Variants in CDH15 observed in about 807,000 individuals in gnomAD.
CDH15 encodes the protein cadherin 15, also known as cadherin-15.
Under a neutral mutation model 69.4 loss-of-function variants are expected in CDH15, and 73 were observed. The ratio of observed to expected loss-of-function variants is 1.05; its 90% CI spans 0.87 to 1.28. The LOEUF (loss-of-function observed/expected upper bound fraction) is 1.28, where lower values mean the gene tolerates loss of function less well. Among genes scored for constraint, CDH15 ranks in the 50% most tolerant of loss-of-function variants. The probability of loss-of-function intolerance (pLI) is 0.00; values close to 1 mark genes in which losing one functional copy is unlikely to be tolerated. For missense variants in CDH15, 1,343 were observed against 1,133.6 expected (o/e 1.18, Z -2.65); for synonymous variants, 624 against 507.7 (o/e 1.23, Z -3.08).
chr16:89,176,827 C>G (rs968501368), intron 1 of CDH15, among the ~76,000 whole-genome samples: 1 of 149,758 alleles, frequency 6.7e-6, no homozygotes, highest in Non-Finnish European at 1.5e-5. Flanking sequence ...ATGTTTGGGG[C>G]CTGCTCTGCT....
At position 89,187,997 on chromosome 16, in the gene CDH15, A is replaced by AGGAG. The variant is rs1421323234; in HGVS notation, c.793-96_793-93dup. On this transcript the variant is annotated intron_variant, in intron 6 of 13. Transcript: ENST00000289746. The stretch of plus-strand genomic sequence containing the variant: ...AGGGAGGGTGTTCCTGCTGGGAGGC[A>AGGAG]GGAGGGAGGGTGGGAGGGGAGGGTG... The AGGAG allele has an allele frequency of 3.6e-6, 3 of 832,744 alleles. No individual in the cohort carries two copies. In the East Asian group the frequency reaches 1.0e-4, roughly 28 times the overall value. 51.6% of individuals were successfully genotyped at this position (832,744 alleles called of 1,614,324 possible). A position where few individuals can be genotyped will look rare whatever the true frequency, so the allele number is the denominator to read the frequency against.
At chr16:89,187,948 T>G in intron 6 of CDH15, 152 bp from the exon 7 acceptor site, 1 of 659,710 alleles carries the variant, frequency 1.5e-6, no homozygotes, top group Admixed American at 3.1e-5. Context: ...ACCCAGTGGG[T>G]GGGGAGCAGC....
At chr16:89,181,392 G>T (rs887215198) in intron 3 of CDH15, among the ~76,000 whole-genome samples, 6 of 152,230 alleles carry the variant, frequency 3.9e-5, no homozygotes, top group African/African-American at 1.2e-4. Flanking sequence ...CAGGAGGATC[G>T]CTTGAAGCCA....
intron 6 of CDH15, 70 bp downstream of exon 6, chr16:89,187,627 G>A: frequency 6.3e-7 from 1 of 1,593,998 alleles, no homozygotes; most frequent in Non-Finnish European, 8.6e-7. Flanking sequence ...GGCTCCTGCA[G>A]AAGGCAGCGG....
In CDH15 at chr16:89,190,344, C is replaced by G. The variant is rs1223955018; in HGVS notation, c.1080C>G (p.Ala360=). The change falls in exon 8 of 14, where the codon GCC becomes GCG. Residue 360 remains alanine, a synonymous_variant. Transcript: ENST00000289746. ...CCCTTAGGGCTGAGCGGGGCCAGGC[C>G]AAGGTCCGCGTGCATGTGCAGGACA... The part of the protein sequence containing the change: ...AAALRAERGQ[A]KVRVHVQDTN... The G allele has an allele frequency of 6.2e-7, 1 of 1,612,584 alleles. No homozygotes were observed. Among genetic ancestry groups the G allele is most frequent in the South Asian group, 1.1e-5 (1 of 91,004 alleles).
chr16:89,188,896 G>A (rs1915565846), intron 7 of CDH15, among the ~76,000 whole-genome samples: 1 of 136,992 alleles, frequency 7.3e-6, no homozygotes, highest in Admixed American at 7.4e-5. Flanking sequence ...ACACACAGAT[G>A]CCCACACACA....
At position 89,192,202 on chromosome 16, in the gene CDH15, C is replaced by T. The variant is rs1476487224; in HGVS notation, c.1616-3C>T. ...CCTCGCTCACCACAGGCGCCCTCCG[C>T]AGTGAGCCACGCGCGCCTGCGGCCG... is the stretch of plus-strand genomic sequence containing the variant. On this transcript the variant is annotated splice_polypyrimidine_tract_variant and splice_region_variant and intron_variant, in intron 10 of 13. Coordinates refer to ENST00000289746, the MANE Select transcript of CDH15 (RefSeq NM_004933.3). The T allele has an allele frequency of 6.5e-7, 1 of 1,528,992 alleles. No homozygotes were observed. Among genetic ancestry groups the T allele is most frequent in the East Asian group, 2.5e-5 (1 of 40,536 alleles). The allele number at this position is 1,528,992 out of a possible 1,614,324, so 94.7% of individuals were successfully genotyped here. A position where few individuals can be genotyped will look rare whatever the true frequency, so the allele number is the denominator to read the frequency against.
At chr16:89,188,592 CCACA>C (rs1192222605) in intron 7 of CDH15, among the ~76,000 whole-genome samples, 1 of 121,478 alleles carries the variant, frequency 8.2e-6, no homozygotes, top group African/African-American at 3.3e-5. Context: ...ACACAGATGC[CCACA>C]CACAGATGCC....
chr16:89,192,245 A>C lies in CDH15; in HGVS notation c.1656A>C (p.Glu552Asp), dbSNP rs1567776898. The C allele has an allele frequency of 2.1e-5, 32 of 1,529,468 alleles. No individual in the cohort carries two copies. The highest frequency in any genetic ancestry group is 2.7e-5 in the Non-Finnish European group (31 of 1,144,748). 94.7% of individuals were successfully genotyped at this position (1,529,468 alleles called of 1,614,324 possible). A position where few individuals can be genotyped will look rare whatever the true frequency, so the allele number is the denominator to read the frequency against. ...ARLRPRHQVP[E>D]GLHRLSLLLR... ...TGCGGCCGCGACACCAGGTCCCCGA[A>C]GGCCTGCACCGCCTCAGCCTGCTGC... Residue 552 changes from glutamate (E) to aspartate (D), a missense_variant, in exon 11 of 14, where the codon GAA becomes GAC. Coordinates refer to ENST00000289746, the MANE Select transcript of CDH15 (RefSeq NM_004933.3).
rs139402478 is a variant in CDH15, at chr16:89,186,929, C to T, written c.664-500C>T. On this transcript the variant is annotated intron_variant, in intron 5 of 13. Coordinates refer to ENST00000289746, the MANE Select transcript of CDH15 (RefSeq NM_004933.3). ...CAGTAGGTGCTCTGTAAACGCTTAC[C>T]CAGCACACAGTAGGTGCTCTGTAAA... Among the ~76,000 whole-genome samples the T allele has an allele frequency of 8.6e-3, 1,244 of 144,854 alleles. 38 individuals carry two copies. Among genetic ancestry groups the T allele is most frequent in the Admixed American group, 0.057 (815 of 14,350 alleles).
At position 89,180,230 on chromosome 16, in the gene CDH15, G is replaced by A. The variant is rs374625398; in HGVS notation, c.232G>A (p.Val78Ile). The change falls in exon 3 of 14, where the codon GTC becomes ATC. Residue 78 changes from valine (V) to isoleucine (I), a missense_variant. Transcript: ENST00000289746. ...IKSDKQQLGS[V>I]IYSIQGPGVD... is the part of the protein sequence containing the mutation. ...GTCGGACAAGCAGCAGCTGGGCAGC[G>A]TCATCTACAGCATCCAGGGACCCGG... 4.8e-5 allele frequency: 78 copies of A among 1,610,518 alleles called. No homozygotes were observed. The highest frequency in any genetic ancestry group is 3.1e-4 in the South Asian group (28 of 90,524).
At chr16:89,191,938 C>T (rs1466503997) in intron 10 of CDH15, 44 bp downstream of exon 10, 8 of 1,498,044 alleles carry the variant, frequency 5.3e-6, no homozygotes, top group Non-Finnish European at 7.2e-6. Flanking sequence ...CCCACGCTCC[C>T]CCCACCCCCA....
chr16:89,190,473 C>G lies in CDH15; in HGVS notation c.1209C>G (p.Asp403Glu), dbSNP rs753411669. The change falls in exon 8 of 14, where the codon GAC (aspartate) becomes GAG (glutamate). Residue 403 changes from aspartate to glutamate, a missense_variant. Physicochemically the swap from Asp to Glu is conservative, Grantham distance 45. Coordinates refer to ENST00000289746, the MANE Select transcript of CDH15 (RefSeq NM_004933.3). ...LVATFSARDP[D>E]TEQLQRLSYS... ...CCACCTTCTCTGCCCGGGACCCTGA[C>G]ACAGAGCAGCTGCAGAGGCTCAGGT... The G allele has an allele frequency of 6.3e-7, 1 of 1,598,226 alleles. No individual in the cohort carries two copies. The highest frequency in any genetic ancestry group is 1.1e-5 in the South Asian group (1 of 88,494).
chr16:89,185,311 T>G lies in CDH15; in HGVS notation c.641T>G (p.Val214Gly), dbSNP rs766348243. The stretch of plus-strand genomic sequence containing the variant: ...GAGCTCACAGGAGAGATCCGCACAG[T>G]GCAAGTGGGGCTGGACCGCGAGGTG... ...IDELTGEIRT[V>G]QVGLDREVVA... The change falls in exon 5 of 14, where the codon GTG (valine) becomes GGG (glycine). Residue 214 changes from valine to glycine, a missense_variant. Transcript: ENST00000289746. 2.5e-6 allele frequency: 4 copies of G among 1,604,780 alleles called. No homozygotes were observed. Among genetic ancestry groups the G allele is most frequent in the Non-Finnish European group, 3.4e-6 (4 of 1,176,064 alleles).
At chr16:89,190,142 G>T (rs535284358) in intron 7 of CDH15, 101 bp from the exon 8 acceptor site, 1 of 1,404,876 alleles carries the variant, frequency 7.1e-7, no homozygotes, top group Non-Finnish European at 9.9e-7. Flanking sequence ...GGAAAGTACA[G>T]GTGCTCTGGA....
chr16:89,191,456 C>T lies in CDH15; in HGVS notation c.1359C>T (p.Val453=), dbSNP rs781671173. 6.2e-7 allele frequency: 1 copy of T among 1,612,578 alleles called. No individual in the cohort carries two copies. The highest frequency in any genetic ancestry group is 1.1e-5 in the South Asian group (1 of 91,082). The change falls in exon 9 of 14, where the codon GTC becomes GTT. Residue 453 remains valine (V), a synonymous_variant. Transcript: ENST00000289746. ...FLKGGWYRAI[V]LAQDDASQPR... is the part of the protein sequence containing the mutation. ...AGGGCGGCTGGTACAGAGCCATCGT[C>T]CTGGCCCAGGATGACGGTGAGCGGC...
Position 89,171,808 on chromosome 16 carries a change from G to A in CDH15, c.-24G>A, listed in dbSNP as rs112120808. ...CTTCTTCGGGTCGCGGGTGCACTCC[G>A]GCCCGGCTCCCGCCTCGGCCCCGAT... On this transcript the variant is annotated 5_prime_UTR_variant, in exon 1 of 14. Coordinates refer to ENST00000289746, the MANE Select transcript of CDH15 (RefSeq NM_004933.3). 1,066 of 1,547,406 alleles carry A rather than the reference G, an allele frequency of 6.9e-4. 4 individuals carry two copies. In the African/African-American group the frequency reaches 0.011, roughly 16 times the overall value.
intron 6 of CDH15, 79 bp from the exon 7 acceptor site, chr16:89,188,021 T>A (rs138367841): frequency 7.6e-5 from 62 of 819,554 alleles, no homozygotes; most frequent in Non-Finnish European, 1.0e-4. Context: ...GAGGGGAGGG[T>A]GGGCTGAGGG....
rs1276317062 is a variant in CDH15 at position 89,193,494 on chromosome 16, G to A, written c.1880G>A (p.Arg627Gln). The change falls in exon 12 of 14, where the codon CGG (arginine) becomes CAG (glutamine). Residue 627 changes from arginine (R) to glutamine (Q), a missense_variant. By Grantham distance (43) the Arg-to-Gln change is conservative (BLOSUM62 1). Coordinates refer to ENST00000289746, the MANE Select transcript of CDH15 (RefSeq NM_004933.3). ...GTGCTGGTCCTGCTCGTGGCACTCC[G>A]GGCGCGGTTCTGGAAGCAGTCTCGG... is the stretch of plus-strand genomic sequence containing the variant. The part of the protein sequence containing the change: ...LLVLVLLVAL[R>Q]ARFWKQSRGK... 6.2e-7 allele frequency: 1 copy of A among 1,611,334 alleles called. No individual in the cohort carries two copies. The highest frequency in any genetic ancestry group is 1.7e-5 in the Admixed American group (1 of 59,904).
Sources: allele counts gnomAD v4.1 joint callset (sites outside exome capture counted in the v4.1 genomes callset), GRCh38; gene constraint gnomAD v4.1.1; transcripts MANE v1.5; gene names NCBI Gene and HGNC (gene_info 2026-07-23, HGNC 2026-07-21).